The following PIP5K1B variants were observed in gnomAD, a reference collection of about 807,000 sequenced individuals.
PIP5K1B encodes phosphatidylinositol-4-phosphate 5-kinase type 1 beta.
A neutral mutation model predicts 67.0 loss-of-function variants in PIP5K1B; 42 were observed. The observed-to-expected ratio is 0.63, with a 90% CI of 0.49 to 0.81. The LOEUF (loss-of-function observed/expected upper bound fraction) is 0.81. Ranked by LOEUF, PIP5K1B falls within the 30% of genes least tolerant of loss-of-function variation. The pLI, the probability that PIP5K1B is intolerant of heterozygous loss-of-function variation, is 0.00. For missense variants in PIP5K1B, 459 were observed against 646.3 expected, an observed-to-expected ratio of 0.71 and a Z score of 3.14; for synonymous variants, 214 against 231.4, an observed-to-expected ratio of 0.92 and a Z score of 0.68.
chr9:68,993,318 G>A (rs1445269874), intron 15 of PIP5K1B, among the ~76,000 whole-genome samples: 1 of 151,998 alleles, frequency 6.6e-6, no homozygotes, highest in African/African-American at 2.4e-5. Flanking sequence ...CTCTGCCTTG[G>A]GACTTTTGTG....
At chr9:68,723,695 G>GTTTTTTTTTTTTTTT (rs36021674) in intron 1 of PIP5K1B, among the ~76,000 whole-genome samples, 11 of 50,128 alleles carry the variant, frequency 2.2e-4, no homozygotes, top group East Asian at 6.5e-4. Flanking sequence ...GAAGTATTTG[G>GTTTTTTTTTTTTTTT]TTTTTTTTTT....
intron 7 of PIP5K1B, among the ~76,000 whole-genome samples, chr9:68,893,229 A>G (rs1824890375): frequency 1.3e-5 from 2 of 152,178 alleles, no homozygotes; most frequent in South Asian, 2.1e-4. Flanking sequence ...AATCAAGGAT[A>G]GCAGAGACAC....
intron 14 of PIP5K1B, among the ~76,000 whole-genome samples, chr9:68,973,318 A>C (rs1829483454): frequency 1.3e-5 from 2 of 152,374 alleles, no homozygotes; most frequent in South Asian, 2.1e-4. Context: ...AGATATGTAG[A>C]TACATCAATG....
At chr9:68,722,246 C>G (rs1033526666) in intron 1 of PIP5K1B, among the ~76,000 whole-genome samples, 1 of 152,176 alleles carries the variant, frequency 6.6e-6, no homozygotes, top group African/African-American at 2.4e-5. Context: ...CCCTCTGTCA[C>G]CCAGGCTGGA....
rs550302058 is a variant in PIP5K1B, at chr9:68,921,296, A to C, written c.1116+1567A>C. The stretch of plus-strand genomic sequence containing the variant: ...GAATATAGCAAGACCCTGTCTCTAA[A>C]AGAAAATTTTTTAATTAAAAAAAAA... On this transcript the variant is annotated intron_variant, in intron 11 of 15. Coordinates refer to ENST00000265382, the MANE Select transcript of PIP5K1B (RefSeq NM_003558.4). Among the ~76,000 whole-genome samples, 4 of 152,192 alleles carry C rather than the reference A, an allele frequency of 2.6e-5. No homozygotes were observed. In the South Asian group the frequency reaches 8.3e-4, roughly 32 times the overall value.
At chr9:68,736,945 T>A (rs1367490722) in intron 1 of PIP5K1B, among the ~76,000 whole-genome samples, 1 of 152,244 alleles carries the variant, frequency 6.6e-6, no homozygotes, top group Non-Finnish European at 1.5e-5. Flanking sequence ...ACTTAACCAT[T>A]CCCATTGTTG....
intron 13 of PIP5K1B, among the ~76,000 whole-genome samples, chr9:68,936,460 A>G (rs750832467): frequency 1.2e-4 from 18 of 151,954 alleles, no homozygotes; most frequent in Non-Finnish European, 2.1e-4. Flanking sequence ...TTCCCTTCTA[A>G]TCAAATATGG....
At chr9:68,793,693 T>C (rs190610707) in intron 2 of PIP5K1B, among the ~76,000 whole-genome samples, 15 of 152,272 alleles carry the variant, frequency 9.9e-5, no homozygotes, top group African/African-American at 3.6e-4. Context: ...TGGCATTAGC[T>C]GCTGAGTTTT....
At chr9:68,900,411 A>C (rs1303796009) in intron 8 of PIP5K1B, among the ~76,000 whole-genome samples, 1 of 152,238 alleles carries the variant, frequency 6.6e-6, no homozygotes, top group Non-Finnish European at 1.5e-5. Context: ...TGTATATATT[A>C]ATTTTAAAAG....
intron 2 of PIP5K1B, chr9:68,788,405 A>G (rs78940498): frequency 0.022 from 14,102 of 653,676 alleles, 237 homozygotes; most frequent in Non-Finnish European, 0.031. Context: ...CCCTAAGTCC[A>G]GAAATAGCCA....
chr9:68,730,018 T>G (rs991292392), intron 1 of PIP5K1B, among the ~76,000 whole-genome samples: 3 of 152,102 alleles, frequency 2.0e-5, no homozygotes, highest in Admixed American at 1.3e-4. Flanking sequence ...GGGAAATGAT[T>G]AAACAAACCA....
intron 14 of PIP5K1B, among the ~76,000 whole-genome samples, chr9:68,958,300 A>G (rs752464891): frequency 1.3e-5 from 2 of 152,252 alleles, no homozygotes; most frequent in Non-Finnish European, 1.5e-5. Context: ...ACAGGACACT[A>G]TGGCTTTTGT....
intron 15 of PIP5K1B, among the ~76,000 whole-genome samples, chr9:69,004,548 T>G (rs1252027506): frequency 6.6e-6 from 1 of 152,168 alleles, no homozygotes; most frequent in African/African-American, 2.4e-5. Context: ...AAACCTTATT[T>G]CAGTCTCTAC....
At chr9:68,986,536 A>G (rs1411200805) in intron 14 of PIP5K1B, among the ~76,000 whole-genome samples, 3 of 152,218 alleles carry the variant, frequency 2.0e-5, no homozygotes, top group African/African-American at 7.2e-5. Flanking sequence ...TATTCAAAAT[A>G]TTCTACTTAC....
chr9:68,845,210 T>A (rs1420898944), intron 4 of PIP5K1B, among the ~76,000 whole-genome samples: 1 of 152,224 alleles, frequency 6.6e-6, no homozygotes, highest in East Asian at 1.9e-4. Context: ...AGCCTGAAAC[T>A]GATTGTGCTG....
At position 68,889,936 on chromosome 9, in the gene PIP5K1B, G is replaced by T. The variant is rs142028967; in HGVS notation, c.471+803G>T. 7.8e-4 allele frequency among the ~76,000 whole-genome samples: 118 copies of T among 152,224 alleles called. 2 individuals carry two copies. The East Asian group carries it at 0.021, about 27-fold the overall frequency. On this transcript the variant is annotated intron_variant, in intron 7 of 15. Transcript: ENST00000265382. ...TGTTAAGCAAGGCCTTAAGTGCTTT[G>T]CATTCATTAACTCATTTAATCCTCA...
intron 6 of PIP5K1B, among the ~76,000 whole-genome samples, chr9:68,879,383 C>A (rs968333486): frequency 2.6e-5 from 4 of 152,060 alleles, no homozygotes; most frequent in Non-Finnish European, 5.9e-5. Flanking sequence ...GCCTAGCCAA[C>A]ATGGTGAAAC....
intron 2 of PIP5K1B, among the ~76,000 whole-genome samples, chr9:68,792,714 C>T (rs1046600175): frequency 2.6e-5 from 4 of 152,094 alleles, no homozygotes; most frequent in South Asian, 2.1e-4. Context: ...CTCCTGACCT[C>T]GTGATCCGCC....
intron 9 of PIP5K1B, among the ~76,000 whole-genome samples, chr9:68,918,090 T>A (rs1032166643): frequency 1.5e-5 from 2 of 134,824 alleles, no homozygotes; most frequent in Non-Finnish European, 1.6e-5. Flanking sequence ...ATTGTTTATT[T>A]ATTTATTTTT....
Sources: gnomAD v4.1 joint callset for allele counts (sites outside exome capture counted in the v4.1 genomes callset) on GRCh38, gnomAD v4.1.1 for gene constraint, MANE v1.5 for transcripts, NCBI Gene and HGNC (gene_info 2026-07-23, HGNC 2026-07-21) for gene names.